The following HDAC4 variants were observed in gnomAD, a reference collection of about 807,000 sequenced individuals.
HDAC4 encodes the protein histone deacetylase 4.
In HDAC4, 16 loss-of-function variants were observed where a neutral mutation model predicts 135.1. That is an observed-to-expected ratio of 0.12 (90% CI 0.08 to 0.18). HDAC4 has a LOEUF of 0.18. Ranked by LOEUF, HDAC4 falls within the 10% of genes least tolerant of loss-of-function variation. The pLI is 1.00. For missense variants in HDAC4, 1,143 were observed against 1,511.8 expected, an observed-to-expected ratio of 0.76 and a Z score of 4.05; for synonymous variants, 685 against 653.4, an observed-to-expected ratio of 1.05 and a Z score of -0.74.
rs371362399 is a variant in HDAC4, at chr2:239,068,589, G to C, written c.2769C>G (p.Ile923Met). Residue 923 changes from isoleucine to methionine, a missense_variant, in exon 23 of 27, where the codon ATC becomes ATG. Ile to Met is a conservative substitution (Grantham distance 10). Coordinates refer to ENST00000543185, the MANE Select transcript of HDAC4 (RefSeq NM_001378414.1). The surrounding 1 kb of genome is among the most constrained non-coding windows in gnomAD (Gnocchi z 4.4). ...LAAFRTVVMP[I>M]ASEFAPDVVL... Reference sequence around the variant, plus strand: ...CCACATCCGGGGCAAACTCGCTGGCGATCGGCATGACCACCGTTCTGCAAA... The same window carrying C: ...CCACATCCGGGGCAAACTCGCTGGCCATCGGCATGACCACCGTTCTGCAAA... 4 of 1,613,904 alleles carry C rather than the reference G, an allele frequency of 2.5e-6. No individual in the cohort carries two copies. Among genetic ancestry groups the C allele is most frequent in the East Asian group, 2.2e-5 (1 of 44,868 alleles).
At chr2:239,083,209 C>T (rs564554324) in intron 20 of HDAC4, among the ~76,000 whole-genome samples, 2 of 152,388 alleles carry the variant, frequency 1.3e-5, no homozygotes, top group South Asian at 4.1e-4. Context: ...TCTACGCAGC[C>T]TGTCTGCGTG....
chr2:239,134,590 G>A lies in HDAC4; in HGVS notation c.1032C>T (p.Pro344=). Residue 344 remains proline (P), a synonymous_variant, in exon 10 of 27, where the codon CCC becomes CCT. Coordinates refer to ENST00000543185, the MANE Select transcript of HDAC4 (RefSeq NM_001378414.1). ...TGGGCAAGGATGGCGATGTGTAGAG[G>A]GGAAGTGGAGCGGCCGAGCCTTCTC... ...VAREGSAAPL[P]LYTSPSLPNI... is the part of the protein sequence containing the mutation. 1.9e-6 allele frequency: 3 copies of A among 1,614,136 alleles called. No individual in the cohort carries two copies. The South Asian group carries it at 3.3e-5, about 18-fold the overall frequency.
At chr2:239,266,859 C>A (rs922702021) in intron 2 of HDAC4, among the ~76,000 whole-genome samples, 1 of 152,156 alleles carries the variant, frequency 6.6e-6, no homozygotes, top group African/African-American at 2.4e-5. Context: ...TGCTCCACCC[C>A]ACACCCAGGT....
chr2:239,161,662 C>T (rs2042800460), intron 6 of HDAC4: 1 of 278,936 alleles, frequency 3.6e-6, no homozygotes, highest in African/African-American at 2.2e-5. Context: ...GCCTGAAGGT[C>T]CCCAGAGCCC....
chr2:239,149,512 G>A (rs933559940), intron 7 of HDAC4, among the ~76,000 whole-genome samples: 3 of 152,028 alleles, frequency 2.0e-5, no homozygotes, highest in Admixed American at 2.0e-4. Context: ...AAGCAAAGAC[G>A]ATGCCCCACA....
intron 1 of HDAC4, among the ~76,000 whole-genome samples, chr2:239,378,616 G>A (rs1695192281): frequency 6.6e-6 from 1 of 151,894 alleles, no homozygotes; most frequent in East Asian, 1.9e-4. Context: ...ACGGCCCCGG[G>A]AACCAAGAAC....
chr2:239,230,679 C>T (rs1433167525), intron 3 of HDAC4, among the ~76,000 whole-genome samples: 1 of 152,214 alleles, frequency 6.6e-6, no homozygotes, highest in Non-Finnish European at 1.5e-5. Context: ...CCAGAAATGC[C>T]AGCTTTATGA....
At chr2:239,367,612 C>T (rs745411892) in intron 1 of HDAC4, among the ~76,000 whole-genome samples, 1 of 152,148 alleles carries the variant, frequency 6.6e-6, no homozygotes, top group Non-Finnish European at 1.5e-5. Context: ...GGGTCACAGT[C>T]AAAACTGTTT....
chr2:239,296,978 G>A (rs1254820386), intron 2 of HDAC4, among the ~76,000 whole-genome samples: 12 of 149,460 alleles, frequency 8.0e-5, no homozygotes, highest in South Asian at 2.1e-4. Context: ...AAAGATGTTC[G>A]TGGGGCTGCA....
At chr2:239,202,837 A>T (rs2045838308) in intron 3 of HDAC4, among the ~76,000 whole-genome samples, 1 of 152,192 alleles carries the variant, frequency 6.6e-6, no homozygotes, top group African/African-American at 2.4e-5. Context: ...GGATGCCACG[A>T]GTGTGTCCAG....
rs143189820 is a variant in HDAC4, at chr2:239,183,173, A to C, written c.340-6610T>G. Among the ~76,000 whole-genome samples the C allele has an allele frequency of 2.1e-3, 320 of 152,332 alleles. 1 individual carries two copies. The highest frequency in any genetic ancestry group is 7.3e-3 in the African/African-American group (304 of 41,568). On this transcript the variant is annotated intron_variant, in intron 4 of 26. Transcript: ENST00000543185. The stretch of plus-strand genomic sequence containing the variant: ...AATCATAGCTGATCCTATTACTCTA[A>C]CCAGACTTTAAGTTTACGTTAAGCG...
intron 2 of HDAC4, among the ~76,000 whole-genome samples, chr2:239,259,603 G>A (rs1341624430): frequency 6.6e-6 from 1 of 152,120 alleles, no homozygotes; most frequent in Non-Finnish European, 1.5e-5. Flanking sequence ...CCTCATATTC[G>A]GGTTCCACTT....
intron 2 of HDAC4, among the ~76,000 whole-genome samples, chr2:239,289,329 T>A (rs1371445801): frequency 2.0e-5 from 3 of 152,348 alleles, no homozygotes; most frequent in Non-Finnish European, 4.4e-5. Flanking sequence ...TGTTTTTAAA[T>A]GAAATACGAA....
At chr2:239,383,158 A>C (rs1695536138) in intron 1 of HDAC4, among the ~76,000 whole-genome samples, 1 of 152,154 alleles carries the variant, frequency 6.6e-6, no homozygotes, top group African/African-American at 2.4e-5. Flanking sequence ...CCGCTCACCC[A>C]AAGGCTCCCC....
intron 2 of HDAC4, among the ~76,000 whole-genome samples, chr2:239,332,344 TA>T (rs1335282512): frequency 2.0e-5 from 3 of 152,094 alleles, no homozygotes; most frequent in Admixed American, 2.0e-4. Context: ...ATATAATCAA[TA>T]AAGCAAAATT....
rs375382097 is a variant in HDAC4 at position 239,137,532 on chromosome 2, T to C, written c.978+2152A>G. On this transcript the variant is annotated intron_variant, in intron 9 of 26. Transcript: ENST00000543185. ...AGGTGCCCGGCACACTGGGCTTCCC[T>C]GGGTCCAGGGGGCCTTCAAGGTACA... 5.3e-5 allele frequency among the ~76,000 whole-genome samples: 8 copies of C among 152,246 alleles called. No homozygotes were observed. The South Asian group carries it at 1.5e-3, about 28-fold the overall frequency.
intron 4 of HDAC4, chr2:239,187,014 T>G (rs2153035521): frequency 6.5e-6 from 1 of 152,678 alleles, no homozygotes; most frequent in Middle Eastern, 3.4e-3. Flanking sequence ...CATGGCGGCT[T>G]CGGGGTGGGG....
chr2:239,067,230 G>GT (rs2033623701), intron 23 of HDAC4, among the ~76,000 whole-genome samples: 1 of 152,174 alleles, frequency 6.6e-6, no homozygotes, highest in African/African-American at 2.4e-5. Flanking sequence ...CTCCAAACAT[G>GT]TATGTGTACA....
At chr2:239,277,177 G>C (rs2050419741) in intron 2 of HDAC4, among the ~76,000 whole-genome samples, 2 of 152,220 alleles carry the variant, frequency 1.3e-5, no homozygotes, top group South Asian at 4.1e-4. Context: ...GTTAGCAGAA[G>C]GATCAGTAAA....
Sources: allele counts gnomAD v4.1 joint callset (sites outside exome capture counted in the v4.1 genomes callset), GRCh38; gene constraint gnomAD v4.1.1; non-coding constraint Gnocchi (gnomAD v3.1); transcripts MANE v1.5; gene names NCBI Gene and HGNC (gene_info 2026-07-23, HGNC 2026-07-21).